The following LNX1 variants were observed in gnomAD, a reference collection of about 807,000 sequenced individuals.
LNX1 encodes the protein ligand of numb-protein X 1, also known as E3 ubiquitin-protein ligase LNX.
Under a neutral mutation model 68.4 loss-of-function variants are expected in LNX1, and 54 were observed. The ratio of observed to expected loss-of-function variants is 0.79; its 90% CI spans 0.63 to 0.99. LNX1 has a LOEUF of 0.99. Among genes scored for constraint, LNX1 ranks in the 50% least tolerant of loss-of-function variants. The pLI is 0.00. For synonymous variants in LNX1, 336 were observed against 350.0 expected, an observed-to-expected ratio of 0.96 and a Z score of 0.45; for missense variants, 906 against 926.4, an observed-to-expected ratio of 0.98 and a Z score of 0.29.
At chr4:53,525,396 C>T (rs533421466) in intron 2 of LNX1, among the ~76,000 whole-genome samples, 5 of 152,270 alleles carry the variant, frequency 3.3e-5, no homozygotes, top group Admixed American at 6.5e-5. Flanking sequence ...GCAGGAGAAT[C>T]GCTTGAACCT....
intron 9 of LNX1, among the ~76,000 whole-genome samples, chr4:53,468,567 C>A (rs1722882328): frequency 6.6e-6 from 1 of 152,118 alleles, no homozygotes; most frequent in Non-Finnish European, 1.5e-5. Context: ...AAAGTCAAGA[C>A]CCATCAGTGT....
At chr4:53,525,381 T>C (rs1577660985) in intron 2 of LNX1, among the ~76,000 whole-genome samples, 1 of 152,022 alleles carries the variant, frequency 6.6e-6, no homozygotes, top group African/African-American at 2.4e-5. Context: ...ACTTGGGAGG[T>C]TGAGGCAGGA....
At chr4:53,532,543 C>A (rs1182549437) in intron 2 of LNX1, among the ~76,000 whole-genome samples, 2 of 152,088 alleles carry the variant, frequency 1.3e-5, no homozygotes, top group East Asian at 3.8e-4. Context: ...CCATAAAGAC[C>A]CTGCAAAAGG....
chr4:53,500,745 A>G (rs891016636), intron 4 of LNX1, among the ~76,000 whole-genome samples: 3 of 152,222 alleles, frequency 2.0e-5, no homozygotes, highest in African/African-American at 7.2e-5. Context: ...TGGTACTAAC[A>G]GTACTCGGGT....
chr4:53,613,897 A>G (rs1365073566), intron 2 of LNX1, among the ~76,000 whole-genome samples: 4 of 152,172 alleles, frequency 2.6e-5, no homozygotes, highest in African/African-American at 4.8e-5. Flanking sequence ...GTCTTCCACA[A>G]TGGTTGAACT....
At chr4:53,498,441 GA>G in intron 5 of LNX1, among the ~76,000 whole-genome samples, 199 bp downstream of exon 5, 1 of 151,962 alleles carries the variant, frequency 6.6e-6, no homozygotes, top group South Asian at 2.1e-4. Flanking sequence ...AAAGGGGGGA[GA>G]GAGTGAAAGA....
intron 4 of LNX1, 132 bp from the exon 5 acceptor site, chr4:53,498,975 C>A: frequency 1.4e-6 from 1 of 696,512 alleles, no homozygotes; most frequent in Non-Finnish European, 2.4e-6. Flanking sequence ...CATTTTCCTG[C>A]CTCTGTGTCA....
chr4:53,527,267 C>A (rs1727687574), intron 2 of LNX1, among the ~76,000 whole-genome samples: 1 of 152,130 alleles, frequency 6.6e-6, no homozygotes, highest in Non-Finnish European at 1.5e-5. Flanking sequence ...CTAGCAGATT[C>A]AAGGTGTAAG....
At chr4:53,633,660 T>C (rs893166823) in intron 1 of LNX1, among the ~76,000 whole-genome samples, 3 of 152,122 alleles carry the variant, frequency 2.0e-5, no homozygotes, top group Non-Finnish European at 4.4e-5. Context: ...TATGCTATTT[T>C]CCTCACGAGA....
At chr4:53,587,062 A>G (rs1419032898) in intron 1 of LNX1, among the ~76,000 whole-genome samples, 1 of 152,200 alleles carries the variant, frequency 6.6e-6, no homozygotes, top group Non-Finnish European at 1.5e-5. Context: ...AAAAATGATC[A>G]CCTTCAGTGA....
At chr4:53,548,810 G>A (rs778346939) in intron 2 of LNX1, among the ~76,000 whole-genome samples, 2 of 152,208 alleles carry the variant, frequency 1.3e-5, no homozygotes, top group Non-Finnish European at 2.9e-5. Context: ...TAATGAAAAT[G>A]TGGTATAGAT....
At chr4:53,486,704 G>GT (rs1560622071) in intron 6 of LNX1, among the ~76,000 whole-genome samples, 1 of 152,184 alleles carries the variant, frequency 6.6e-6, no homozygotes, top group East Asian at 1.9e-4. Context: ...AAAAAAGAGG[G>GT]TTAAAACTAA....
rs2109519694 is a variant in LNX1, at chr4:53,508,149, C to T, written c.459G>A (p.Ala153=). 7 of 1,614,110 alleles carry T rather than the reference C, an allele frequency of 4.3e-6. No individual in the cohort carries two copies. Among genetic ancestry groups the T allele is most frequent in the Non-Finnish European group, 5.1e-6 (6 of 1,180,016 alleles). Reference sequence around the variant, plus strand: ...GGGAGGGAGCCGTGGCTGTGAGGCTCGCACAGCCGTCTGGACAGCCATCTT... The same window carrying T: ...GGGAGGGAGCCGTGGCTGTGAGGCTTGCACAGCCGTCTGGACAGCCATCTT... ...RSQDGCPDGC[A]SLTATAPSPE... The change falls in exon 3 of 11, where the codon GCG becomes GCA. Residue 153 remains alanine, a synonymous_variant. Coordinates refer to ENST00000263925, the MANE Select transcript of LNX1 (RefSeq NM_001126328.3).
At chr4:53,463,349 T>G (rs528337535) in intron 9 of LNX1, among the ~76,000 whole-genome samples, 373 of 152,246 alleles carry the variant, frequency 2.4e-3, no homozygotes, top group Non-Finnish European at 4.1e-3. Context: ...TCAGTGTTCC[T>G]AGTTTTATTT....
chr4:53,570,021 G>T (rs146581062), intron 2 of LNX1, among the ~76,000 whole-genome samples: 1,822 of 152,264 alleles, frequency 0.012, 31 homozygotes, highest in African/African-American at 0.041. Context: ...AGAACAGGTG[G>T]TGGAGAGGAT....
intron 2 of LNX1, among the ~76,000 whole-genome samples, chr4:53,531,009 A>T (rs1163862461): frequency 6.6e-6 from 1 of 152,192 alleles, no homozygotes; most frequent in Non-Finnish European, 1.5e-5. Context: ...CACAAAAAAT[A>T]CAAAAAATTA....
intron 1 of LNX1, among the ~76,000 whole-genome samples, chr4:53,638,719 A>G (rs1734570374): frequency 6.6e-6 from 1 of 152,210 alleles, no homozygotes; most frequent in Admixed American, 6.5e-5. Context: ...GGAAGTATCT[A>G]TGTTAGAGAA....
chr4:53,649,816 C>G (rs959714210), intron 1 of LNX1, among the ~76,000 whole-genome samples: 1 of 152,182 alleles, frequency 6.6e-6, no homozygotes, highest in African/African-American at 2.4e-5. Flanking sequence ...TATTGCTTGT[C>G]TGCTTCCCAC....
In LNX1 at chr4:53,508,111, G is replaced by T. The variant is rs1365190130; in HGVS notation, c.497C>A (p.Ala166Glu). 1 of 1,614,164 alleles carries T rather than the reference G, an allele frequency of 6.2e-7. No homozygotes were observed. The highest frequency in any genetic ancestry group is 1.7e-5 in the Admixed American group (1 of 60,024). The change falls in exon 3 of 11, where the codon GCA becomes GAA. Residue 166 changes from alanine (A) to glutamate (E), a missense_variant. Ala to Glu is a moderately radical substitution (Grantham distance 107). Coordinates refer to ENST00000263925, the MANE Select transcript of LNX1 (RefSeq NM_001126328.3). ...TGTCATTAAGGAGATGGTGGCAGCT[G>T]CAGAAACCTCTGGGGAGGGAGCCGT... Reference protein sequence around the residue: ...TATAPSPEVSAAATISLMTDE... With the variant: ...TATAPSPEVSEAATISLMTDE...
Sources: allele counts gnomAD v4.1 joint callset (sites outside exome capture counted in the v4.1 genomes callset), GRCh38; gene constraint gnomAD v4.1.1; transcripts MANE v1.5; gene names NCBI Gene and HGNC (gene_info 2026-07-23, HGNC 2026-07-21).